Variants in MCUR1 observed in about 807,000 individuals in gnomAD.
MCUR1 encodes the protein MCU regulator 1.
A neutral mutation model predicts 42.0 loss-of-function variants in MCUR1; 37 were observed. The observed-to-expected ratio is 0.88, with a 90% CI of 0.68 to 1.16. The LOEUF (loss-of-function observed/expected upper bound fraction) is 1.16. Ranked by LOEUF, MCUR1 falls within the 50% of genes most tolerant of loss-of-function variation. The pLI is 0.00. For synonymous variants in MCUR1, 229 were observed against 196.2 expected, an observed-to-expected ratio of 1.17 and a Z score of -1.40; for missense variants, 469 against 468.4, an observed-to-expected ratio of 1.00 and a Z score of -0.01.
Position 13,789,246 on chromosome 6 carries a change from C to CA in MCUR1, c.*1562dup, listed in dbSNP as rs1315308879. 2.0e-5 allele frequency: 3 copies of CA among 152,154 alleles called. No homozygotes were observed. Among genetic ancestry groups the CA allele is most frequent in the African/African-American group, 7.2e-5 (3 of 41,422 alleles). 9.4% of individuals were successfully genotyped at this position (152,154 alleles called of 1,614,324 possible). A position where few individuals can be genotyped will look rare whatever the true frequency, so the allele number is the denominator to read the frequency against. On this transcript the variant is annotated 3_prime_UTR_variant, in exon 9 of 9. Coordinates refer to ENST00000379170, the MANE Select transcript of MCUR1 (RefSeq NM_001031713.4). Reference sequence around the variant, plus strand: ...TGAAACCTCATCTCTACTAAAAATACAAAAATTAGCTGGGCGTGGTGGTGG... The same window carrying CA: ...TGAAACCTCATCTCTACTAAAAATACAAAAAATTAGCTGGGCGTGGTGGTGG...
chr6:13,808,937 T>G (rs1468708135), intron 1 of MCUR1, among the ~76,000 whole-genome samples: 1 of 152,200 alleles, frequency 6.6e-6, no homozygotes, highest in Non-Finnish European at 1.5e-5. Context: ...GTTTTTTTTG[T>G]TGTTGCTCTT....
intron 5 of MCUR1, among the ~76,000 whole-genome samples, 164 bp from the exon 6 acceptor site, chr6:13,799,068 C>T (rs1444109184): frequency 6.6e-6 from 1 of 152,224 alleles, no homozygotes; most frequent in East Asian, 1.9e-4. Flanking sequence ...CCTAGGCCTC[C>T]TGGCATCAGG....
chr6:13,806,293 A>T (rs1760110699), intron 2 of MCUR1, among the ~76,000 whole-genome samples: 1 of 152,142 alleles, frequency 6.6e-6, no homozygotes, highest in South Asian at 2.1e-4. Context: ...AAGAACAGTA[A>T]GTTGAAATTA....
intron 5 of MCUR1, among the ~76,000 whole-genome samples, chr6:13,799,971 A>C (rs1759953662): frequency 2.0e-5 from 3 of 151,430 alleles, no homozygotes; most frequent in Admixed American, 1.3e-4. Flanking sequence ...AGCTGGGATT[A>C]CAGGCACCTG....
chr6:13,802,498 G>A (rs1159524044), intron 2 of MCUR1, 152 bp from the exon 3 acceptor site: 19 of 565,326 alleles, frequency 3.4e-5, no homozygotes, highest in Admixed American at 1.5e-4. Flanking sequence ...AAACTATGAC[G>A]TGCCGGTCAC....
chr6:13,813,489 C>T (rs993436292), intron 1 of MCUR1, among the ~76,000 whole-genome samples: 2 of 152,158 alleles, frequency 1.3e-5, no homozygotes, highest in African/African-American at 4.8e-5. Flanking sequence ...TAGAATTAAG[C>T]TCCAGAGGGA....
rs1759706416 is a variant in MCUR1, at chr6:13,790,527, ATC to A, written c.*280_*281del. ...GCCCAGGCTGGAGTGCAGTGACGTG[ATC>A]TCGGCTCACTACAAGCTCCGCCTCC... On this transcript the variant is annotated 3_prime_UTR_variant, in exon 9 of 9. Coordinates refer to ENST00000379170, the MANE Select transcript of MCUR1 (RefSeq NM_001031713.4). 5.4e-6 allele frequency: 1 copy of A among 185,228 alleles called. No individual in the cohort carries two copies. Among genetic ancestry groups the A allele is most frequent in the Non-Finnish European group, 1.1e-5 (1 of 91,428 alleles). 11.5% of individuals were successfully genotyped at this position (185,228 alleles called of 1,614,324 possible).
chr6:13,803,752 TCTGA>T (rs1760044513), intron 2 of MCUR1: 2 of 985,270 alleles, frequency 2.0e-6, no homozygotes, highest in African/African-American at 1.7e-5. Context: ...ATTGTTTAGC[TCTGA>T]CTCTGTTTTC....
intron 6 of MCUR1, among the ~76,000 whole-genome samples, chr6:13,798,395 C>G (rs910922477): frequency 6.6e-6 from 1 of 151,918 alleles, no homozygotes; most frequent in African/African-American, 2.4e-5. Flanking sequence ...CTACCGCGCC[C>G]GGCCAGAAAT....
rs1033264689 is a variant in MCUR1 at position 13,788,426 on chromosome 6, A to G, written c.*2383T>C. ...GTACTGCAAAGAACTCTATAGCAAA[A>G]TCGAACACCCAAATTAAGTGCCAGA... On this transcript the variant is annotated 3_prime_UTR_variant, in exon 9 of 9. Transcript: ENST00000379170. The G allele has an allele frequency of 2.0e-5, 3 of 152,250 alleles. No individual in the cohort carries two copies. Among genetic ancestry groups the G allele is most frequent in the African/African-American group, 7.2e-5 (3 of 41,458 alleles). 9.4% of individuals were successfully genotyped at this position (152,250 alleles called of 1,614,324 possible). A position where few individuals can be genotyped will look rare whatever the true frequency, so the allele number is the denominator to read the frequency against.
chr6:13,796,431 G>A (rs146790809), intron 6 of MCUR1, among the ~76,000 whole-genome samples: 15 of 151,980 alleles, frequency 9.9e-5, no homozygotes, highest in African/African-American at 3.6e-4. Context: ...GAGACTACAG[G>A]TGGGCCATCA....
chr6:13,808,147 G>T (rs754316739), intron 1 of MCUR1, among the ~76,000 whole-genome samples: 3 of 152,102 alleles, frequency 2.0e-5, no homozygotes, highest in Non-Finnish European at 2.9e-5. Context: ...TCCCCGACAC[G>T]TGTGCTGTTC....
intron 6 of MCUR1, among the ~76,000 whole-genome samples, chr6:13,795,711 T>C (rs57390425): frequency 0.027 from 4,081 of 152,128 alleles, 164 homozygotes; most frequent in African/African-American, 0.092. Flanking sequence ...AAAAGGATGA[T>C]ACAGTGGACT....
chr6:13,790,258 C>T lies in MCUR1; in HGVS notation c.*551G>A, dbSNP rs894254110. ...GATGAGACCAAGCTTCCTGGTCCGG[C>T]TAAGTGGAATCTTCCATGCACTGTG... is the stretch of plus-strand genomic sequence containing the variant. On this transcript the variant is annotated 3_prime_UTR_variant, in exon 9 of 9. Coordinates refer to ENST00000379170, the MANE Select transcript of MCUR1 (RefSeq NM_001031713.4). 1.3e-5 allele frequency: 2 copies of T among 152,286 alleles called. No homozygotes were observed. The highest frequency in any genetic ancestry group is 4.8e-5 in the African/African-American group (2 of 41,424). 9.4% of individuals were successfully genotyped at this position (152,286 alleles called of 1,614,324 possible).
intron 4 of MCUR1, 78 bp from the exon 5 acceptor site, chr6:13,800,460 T>A: frequency 1.3e-6 from 1 of 774,496 alleles, no homozygotes; most frequent in South Asian, 1.8e-5. Context: ...AATACATATT[T>A]ATGCACAAGT....
Position 13,813,946 on chromosome 6 carries a change from G to A in MCUR1, c.415+69C>T, listed in dbSNP as rs182295827. On this transcript the variant is annotated intron_variant, in intron 1 of 8. Coordinates refer to ENST00000379170, the MANE Select transcript of MCUR1 (RefSeq NM_001031713.4). ...CGGGCCTTTCCTCGGGGAGGCTGTA[G>A]CTGAGATCCCCGCCCCGCCGTCCAA... 118 of 1,218,134 alleles carry A rather than the reference G, an allele frequency of 9.7e-5. No homozygotes were observed. The African/African-American group carries it at 1.6e-3, about 16-fold the overall frequency. 75.5% of individuals were successfully genotyped at this position (1,218,134 alleles called of 1,614,324 possible).
chr6:13,807,067 C>CAAAACAGAAG, intron 1 of MCUR1, 23 bp from the exon 2 acceptor site: 1 of 1,579,766 alleles, frequency 6.3e-7, no homozygotes, highest in Non-Finnish European at 8.6e-7. Context: ...GGACAGTAAG[C>CAAAACAGAAG]TCAAAACAGA....
At position 13,803,698 on chromosome 6, in the gene MCUR1, T is replaced by G. The variant is rs112742080; in HGVS notation, c.536-1352A>C. ...TTAATTTTTCAACATGTTATACACA[T>G]GTCTAGAAAAAAAATACAAAAGGTT... On this transcript the variant is annotated intron_variant, in intron 2 of 8. Coordinates refer to ENST00000379170, the MANE Select transcript of MCUR1 (RefSeq NM_001031713.4). The G allele has an allele frequency of 5.8e-4, 544 of 946,004 alleles. 1 individual carries two copies. In the African/African-American group the frequency reaches 8.8e-3, roughly 15 times the overall value. 58.6% of individuals were successfully genotyped at this position (946,004 alleles called of 1,614,324 possible). A position where few individuals can be genotyped will look rare whatever the true frequency, so the allele number is the denominator to read the frequency against.
intron 7 of MCUR1, among the ~76,000 whole-genome samples, chr6:13,793,481 G>A (rs1759780967): frequency 6.6e-6 from 1 of 152,190 alleles, no homozygotes. Context: ...TGAACCTTCA[G>A]GACACTGTGT....
Sources: allele counts gnomAD v4.1 joint callset (sites outside exome capture counted in the v4.1 genomes callset), GRCh38; gene constraint gnomAD v4.1.1; transcripts MANE v1.5; gene names NCBI Gene and HGNC (gene_info 2026-07-23, HGNC 2026-07-21).